The following CAMK1D variants were observed in gnomAD, a reference collection of about 807,000 sequenced individuals.
The protein encoded by CAMK1D is calcium/calmodulin dependent protein kinase ID.
A neutral mutation model predicts 47.7 loss-of-function variants in CAMK1D; 9 were observed. The ratio of observed to expected loss-of-function variants is 0.19; its 90% CI spans 0.11 to 0.33. The LOEUF (loss-of-function observed/expected upper bound fraction) is 0.33, where lower values mean the gene tolerates loss of function less well. Ranked by LOEUF, CAMK1D falls within the 10% of genes least tolerant of loss-of-function variation. CAMK1D has a pLI of 1.00. For synonymous variants in CAMK1D, 184 were observed against 184.9 expected (o/e 0.99, Z 0.04); for missense variants, 291 against 488.7 (o/e 0.60, Z 3.81).
At position 12,832,223 on chromosome 10, in the gene CAMK1D, G is replaced by C. The variant is rs149456745; in HGVS notation, c.*3336G>C. On this transcript the variant is annotated 3_prime_UTR_variant, in exon 11 of 11. Coordinates refer to ENST00000619168, the MANE Select transcript of CAMK1D (RefSeq NM_153498.4). ...CATCTCATACGTGAGGCAATAGGAG[G>C]AGTTTCTATTCATTGAGACAAACAG... is the stretch of plus-strand genomic sequence containing the variant. 1 of 152,402 alleles carries C rather than the reference G, an allele frequency of 6.6e-6. No individual in the cohort carries two copies. The highest frequency in any genetic ancestry group is 1.9e-4 in the East Asian group (1 of 5,198). The allele number at this position is 152,402 out of a possible 1,614,324, so 9.4% of individuals were successfully genotyped here. A position where few individuals can be genotyped will look rare whatever the true frequency, so the allele number is the denominator to read the frequency against.
At chr10:12,771,359 C>T (rs1022676480) in intron 5 of CAMK1D, among the ~76,000 whole-genome samples, 1 of 152,224 alleles carries the variant, frequency 6.6e-6, no homozygotes, top group African/African-American at 2.4e-5. Context: ...ATCCACAGAA[C>T]CTTCCCAGGC....
At chr10:12,731,381 C>G (rs1834872506) in intron 3 of CAMK1D, among the ~76,000 whole-genome samples, 2 of 152,162 alleles carry the variant, frequency 1.3e-5, no homozygotes, top group African/African-American at 4.8e-5. Flanking sequence ...TGCTGAGAAT[C>G]TTGGGAAATA....
At chr10:12,371,257 G>C (rs1430336783) in intron 1 of CAMK1D, among the ~76,000 whole-genome samples, 1 of 151,960 alleles carries the variant, frequency 6.6e-6, no homozygotes, top group Non-Finnish European at 1.5e-5. Context: ...CATGACTAGT[G>C]CCCTATACAG....
intron 1 of CAMK1D, among the ~76,000 whole-genome samples, chr10:12,460,024 G>T (rs149923696): frequency 2.0e-5 from 3 of 152,098 alleles, no homozygotes; most frequent in Non-Finnish European, 2.9e-5. Flanking sequence ...TGGAACCGGC[G>T]TATTCACAAG....
intron 3 of CAMK1D, among the ~76,000 whole-genome samples, chr10:12,693,534 G>A (rs1833018085): frequency 6.6e-6 from 1 of 151,960 alleles, no homozygotes; most frequent in Non-Finnish European, 1.5e-5. Context: ...TCAGGAGGCT[G>A]AGGTGGGAGG....
At chr10:12,381,172 T>C (rs1433427930) in intron 1 of CAMK1D, among the ~76,000 whole-genome samples, 3 of 152,202 alleles carry the variant, frequency 2.0e-5, no homozygotes, top group Non-Finnish European at 4.4e-5. Flanking sequence ...TGTACATACA[T>C]TGAGCAGTGA....
chr10:12,785,357 C>T (rs553769938), intron 5 of CAMK1D, among the ~76,000 whole-genome samples: 1 of 152,324 alleles, frequency 6.6e-6, no homozygotes, highest in Non-Finnish European at 1.5e-5. Flanking sequence ...TCAGTGACCG[C>T]CTGTCTTTGT....
At chr10:12,690,281 A>G (rs1343506913) in intron 3 of CAMK1D, among the ~76,000 whole-genome samples, 2 of 152,182 alleles carry the variant, frequency 1.3e-5, no homozygotes, top group Non-Finnish European at 2.9e-5. Context: ...ATATCTCAGT[A>G]TCTATTATGG....
At chr10:12,663,796 C>T (rs146308802) in intron 2 of CAMK1D, among the ~76,000 whole-genome samples, 1 of 152,190 alleles carries the variant, frequency 6.6e-6, no homozygotes, top group African/African-American at 2.4e-5. Flanking sequence ...CATGGATAGT[C>T]GTATGGCATT....
At chr10:12,539,882 G>A (rs1366327623) in intron 1 of CAMK1D, among the ~76,000 whole-genome samples, 2 of 152,182 alleles carry the variant, frequency 1.3e-5, no homozygotes, top group African/African-American at 2.4e-5. Flanking sequence ...TTTTTAAGCT[G>A]TAGCTATGAG....
intron 3 of CAMK1D, among the ~76,000 whole-genome samples, chr10:12,753,358 A>T (rs748771696): frequency 2.6e-5 from 4 of 152,234 alleles, no homozygotes; most frequent in Non-Finnish European, 5.9e-5. Flanking sequence ...GCTGTGTTCA[A>T]CCAGAAGGTC....
rs543832682 is a variant in CAMK1D at position 12,655,063 on chromosome 10, C to T, written c.225-11673C>T. On this transcript the variant is annotated intron_variant, in intron 2 of 10. Coordinates refer to ENST00000619168, the MANE Select transcript of CAMK1D (RefSeq NM_153498.4). ...GACCCATTGGATTAGGCCGTTCCTG[C>T]ATTGCTATACAGAAATACCTGAGCC... Among the ~76,000 whole-genome samples, 53 of 152,304 alleles carry T rather than the reference C, an allele frequency of 3.5e-4. No homozygotes were observed. The South Asian group carries it at 0.01, about 29-fold the overall frequency.
chr10:12,349,594 C>G lies in CAMK1D; in HGVS notation c.-225C>G, dbSNP rs1044197289. On this transcript the variant is annotated 5_prime_UTR_variant, in exon 1 of 11. Transcript: ENST00000619168. ...AGGCGGCGGCAAAGGAGCCGGCGCG[C>G]GGCGGCGGCAGGAAGTCTGTGCCCG... The G allele has an allele frequency of 6.5e-6, 1 of 154,964 alleles. No individual in the cohort carries two copies. Among genetic ancestry groups the G allele is most frequent in the African/African-American group, 2.4e-5 (1 of 41,084 alleles). 9.6% of individuals were successfully genotyped at this position (154,964 alleles called of 1,614,324 possible).
At chr10:12,798,392 T>C (rs1319720938) in intron 6 of CAMK1D, among the ~76,000 whole-genome samples, 1 of 152,218 alleles carries the variant, frequency 6.6e-6, no homozygotes, top group Non-Finnish European at 1.5e-5. Flanking sequence ...GCACTTACTG[T>C]CTGCTGGAGG....
chr10:12,671,083 T>G (rs192236438), intron 3 of CAMK1D, among the ~76,000 whole-genome samples: 1 of 152,328 alleles, frequency 6.6e-6, no homozygotes, highest in East Asian at 1.9e-4. Context: ...ATTCTCTCTC[T>G]CAGCTTATTG....
intron 1 of CAMK1D, among the ~76,000 whole-genome samples, chr10:12,461,993 G>A (rs1344267828): frequency 1.7e-5 from 1 of 59,432 alleles, no homozygotes; most frequent in Non-Finnish European, 3.5e-5. Context: ...CGCTTCTTAC[G>A]TCTTATATAC....
At chr10:12,551,314 A>G (rs980705754) in intron 1 of CAMK1D, among the ~76,000 whole-genome samples, 1 of 152,190 alleles carries the variant, frequency 6.6e-6, no homozygotes, top group Non-Finnish European at 1.5e-5. Context: ...CTTTATGAGA[A>G]TCTAATGCCT....
intron 1 of CAMK1D, among the ~76,000 whole-genome samples, chr10:12,440,491 T>A (rs1284566674): frequency 6.6e-6 from 1 of 152,184 alleles, no homozygotes; most frequent in Non-Finnish European, 1.5e-5. Flanking sequence ...TTTCGCCATG[T>A]TGGCCAGGCT....
intron 1 of CAMK1D, among the ~76,000 whole-genome samples, chr10:12,493,392 A>T (rs1266269436): frequency 6.6e-6 from 1 of 152,192 alleles, no homozygotes; most frequent in Non-Finnish European, 1.5e-5. Context: ...CGCTGAGTCC[A>T]TGTTCTTAAC....
Sources: gnomAD v4.1 joint callset for allele counts (sites outside exome capture counted in the v4.1 genomes callset) on GRCh38, gnomAD v4.1.1 for gene constraint, MANE v1.5 for transcripts, NCBI Gene and HGNC (gene_info 2026-07-23, HGNC 2026-07-21) for gene names.